GTF2F2: variants seen among roughly 807,000 people sequenced by gnomAD.
GTF2F2 encodes ATP-dependent helicase GTF2F2.
A neutral mutation model predicts 42.2 loss-of-function variants in GTF2F2; 23 were observed. The observed-to-expected ratio is 0.55, with a 90% confidence interval of 0.39 to 0.77. GTF2F2 has a LOEUF of 0.77. GTF2F2 is among the 30% of genes least tolerant of loss of function. GTF2F2 has a pLI of 0.00. For missense variants in GTF2F2, 261 were observed against 287.2 expected (o/e 0.91, Z 0.66); for synonymous variants, 105 against 100.8 (o/e 1.04, Z -0.25).
intron 4 of GTF2F2, among the ~76,000 whole-genome samples, chr13:45,177,069 C>G (rs1003424838): frequency 4.6e-5 from 7 of 152,200 alleles, no homozygotes; most frequent in African/African-American, 1.7e-4. Context: ...GGATTACAGG[C>G]GTGAGCCACT....
chr13:45,158,264 G>A (rs1870862742), intron 4 of GTF2F2, among the ~76,000 whole-genome samples: 2 of 152,192 alleles, frequency 1.3e-5, no homozygotes, highest in South Asian at 2.1e-4. Context: ...CTGGTGGGTT[G>A]ATAAGGGGTT....
At chr13:45,142,572 A>C (rs1357422074) in intron 2 of GTF2F2, among the ~76,000 whole-genome samples, 2 of 152,250 alleles carry the variant, frequency 1.3e-5, no homozygotes, top group African/African-American at 4.8e-5. Flanking sequence ...TGTAGGCAAC[A>C]GGTCTAGCAG....
chr13:45,151,360 T>C (rs1017487933), intron 3 of GTF2F2, among the ~76,000 whole-genome samples: 1 of 152,158 alleles, frequency 6.6e-6, no homozygotes, highest in Non-Finnish European at 1.5e-5. Context: ...ATTATCTTTC[T>C]CTCTTTTGTT....
chr13:45,150,664 C>CTT (rs368061537), intron 3 of GTF2F2, among the ~76,000 whole-genome samples: 1 of 122,448 alleles, frequency 8.2e-6, no homozygotes, highest in Non-Finnish European at 1.6e-5. Context: ...AAAAAATCAT[C>CTT]TTTTTTTTTT....
chr13:45,232,400 G>A (rs1874729033), intron 5 of GTF2F2, among the ~76,000 whole-genome samples: 1 of 152,186 alleles, frequency 6.6e-6, no homozygotes, highest in Admixed American at 6.5e-5. Context: ...GCTGAGGCAG[G>A]AGGATCACTT....
chr13:45,270,336 T>A (rs1876737494), intron 7 of GTF2F2, among the ~76,000 whole-genome samples: 1 of 152,192 alleles, frequency 6.6e-6, no homozygotes, highest in Non-Finnish European at 1.5e-5. Flanking sequence ...TGTTTTTTGT[T>A]ACTTATAACA....
At chr13:45,213,745 A>G (rs982058625) in intron 5 of GTF2F2, among the ~76,000 whole-genome samples, 1 of 152,116 alleles carries the variant, frequency 6.6e-6, no homozygotes, top group African/African-American at 2.4e-5. Flanking sequence ...AGGTACAGAA[A>G]TATGAGAATC....
chr13:45,120,552 C>T lies in GTF2F2; in HGVS notation c.-104C>T. 3 of 775,182 alleles carry T rather than the reference C, an allele frequency of 3.9e-6. No individual in the cohort carries two copies. The highest frequency in any genetic ancestry group is 3.1e-5 in the South Asian group (2 of 63,808). 48.0% of individuals were successfully genotyped at this position (775,182 alleles called of 1,614,324 possible). On this transcript the variant is annotated 5_prime_UTR_variant, in exon 1 of 8. Transcript: ENST00000340473. ...TGGCAGGTAAGGAACGCCGGCTCTT[C>T]GCCTCTCAGCGCGGCTTGTCCTTTG...
chr13:45,232,151 A>G lies in GTF2F2; in HGVS notation c.387-20720A>G, dbSNP rs569685654. ...TACATATATCAGAGTAGCTGGCTGGAGAAACATGGCCTCCATCATCATAAG... is the reference window on the plus strand; with the variant it reads ...TACATATATCAGAGTAGCTGGCTGGGGAAACATGGCCTCCATCATCATAAG... On this transcript the variant is annotated intron_variant, in intron 5 of 7. Coordinates refer to ENST00000340473, the MANE Select transcript of GTF2F2 (RefSeq NM_004128.3). Among the ~76,000 whole-genome samples the G allele has an allele frequency of 4.6e-5, 7 of 152,362 alleles. No individual in the cohort carries two copies. The South Asian group carries it at 1.4e-3, about 32-fold the overall frequency.
At chr13:45,123,990 T>TG in intron 1 of GTF2F2, 2 of 969,548 alleles carry the variant, frequency 2.1e-6, no homozygotes, top group Non-Finnish European at 3.2e-6. Flanking sequence ...GTTCTGTCAC[T>TG]GGGGCTGGTG....
intron 1 of GTF2F2, among the ~76,000 whole-genome samples, chr13:45,134,318 A>C (rs2138096937): frequency 6.6e-6 from 1 of 152,258 alleles, no homozygotes; most frequent in African/African-American, 2.4e-5. Flanking sequence ...ATGAAAGACA[A>C]ATTTTCGCTA....
chr13:45,245,587 C>T (rs1158007816), intron 5 of GTF2F2, among the ~76,000 whole-genome samples: 6 of 150,436 alleles, frequency 4.0e-5, no homozygotes, highest in Non-Finnish European at 8.9e-5. Context: ...CTTAGAATAA[C>T]GGTCTCCAAC....
chr13:45,277,950 T>G (rs542017539), intron 7 of GTF2F2, among the ~76,000 whole-genome samples: 3 of 152,346 alleles, frequency 2.0e-5, no homozygotes, highest in African/African-American at 7.2e-5. Flanking sequence ...TTAACTTACT[T>G]AAAGCATTAG....
At chr13:45,222,422 T>G (rs1325230132) in intron 5 of GTF2F2, among the ~76,000 whole-genome samples, 1 of 152,196 alleles carries the variant, frequency 6.6e-6, no homozygotes, top group Non-Finnish European at 1.5e-5. Context: ...GAATTGACTT[T>G]TATTTAATGT....
At chr13:45,130,032 G>A (rs1869253186) in intron 1 of GTF2F2, among the ~76,000 whole-genome samples, 1 of 152,224 alleles carries the variant, frequency 6.6e-6, no homozygotes, top group African/African-American at 2.4e-5. Context: ...AGGTCTGTGT[G>A]GTTTGAGTAA....
At chr13:45,203,743 C>T (rs1161446652) in intron 4 of GTF2F2, among the ~76,000 whole-genome samples, 1 of 152,166 alleles carries the variant, frequency 6.6e-6, no homozygotes, top group East Asian at 1.9e-4. Flanking sequence ...CTATTACCCA[C>T]TAGTATATAG....
At chr13:45,173,307 A>C (rs1023869398) in intron 4 of GTF2F2, among the ~76,000 whole-genome samples, 2 of 151,966 alleles carry the variant, frequency 1.3e-5, no homozygotes, top group Non-Finnish European at 2.9e-5. Flanking sequence ...ACTGACATTG[A>C]TATTGACATT....
intron 5 of GTF2F2, among the ~76,000 whole-genome samples, chr13:45,225,740 A>G (rs1033557953): frequency 2.6e-5 from 4 of 152,208 alleles, no homozygotes; most frequent in African/African-American, 4.8e-5. Context: ...ATGAAATGTC[A>G]TAGACCATAT....
intron 6 of GTF2F2, among the ~76,000 whole-genome samples, chr13:45,266,604 C>T (rs1272012003): frequency 2.0e-5 from 3 of 152,002 alleles, no homozygotes; most frequent in Non-Finnish European, 4.4e-5. Flanking sequence ...TTAGAGTTTT[C>T]GATCAACACA....
Sources: allele counts gnomAD v4.1 joint callset (sites outside exome capture counted in the v4.1 genomes callset), GRCh38; gene constraint gnomAD v4.1.1; transcripts MANE v1.5; gene names NCBI Gene and HGNC (gene_info 2026-07-23, HGNC 2026-07-21).